Variants in ANO2 observed in about 807,000 individuals in gnomAD.
ANO2 encodes anoctamin-2.
A neutral mutation model predicts 124.2 loss-of-function variants in ANO2; 101 were observed. The observed-to-expected ratio is 0.81, with a 90% confidence interval of 0.69 to 0.96. The LOEUF (loss-of-function observed/expected upper bound fraction) is 0.96. ANO2 is among the 40% of genes least tolerant of loss of function. ANO2 has a pLI of 0.00. For synonymous variants in ANO2, 486 were observed against 482.5 expected (o/e 1.01, Z -0.09); for missense variants, 1,293 against 1,274.5 (o/e 1.01, Z -0.22).
In ANO2 at chr12:5,581,912, A is replaced by G. The variant is rs1232108587; in HGVS notation, c.2234-3394T>C. 2.6e-5 allele frequency among the ~76,000 whole-genome samples: 4 copies of G among 152,214 alleles called. No homozygotes were observed. In the South Asian group the frequency reaches 8.3e-4, roughly 32 times the overall value. ...CTGAGCATTGCCAGGATTCAACCCA[A>G]AGAGGCAGAAACAAATAGGAAGTTT... is the stretch of plus-strand genomic sequence containing the variant. On this transcript the variant is annotated intron_variant, in intron 20 of 24. Coordinates refer to ENST00000682330, the MANE Select transcript of ANO2 (RefSeq NM_001364791.2).
chr12:5,714,826 G>A (rs770539618), intron 14 of ANO2, among the ~76,000 whole-genome samples: 3 of 152,156 alleles, frequency 2.0e-5, no homozygotes, highest in Non-Finnish European at 4.4e-5. Flanking sequence ...ATATACAACC[G>A]GGAAAGCAGG....
At chr12:5,939,132 G>A (rs903438975) in intron 1 of ANO2, among the ~76,000 whole-genome samples, 7 of 136,498 alleles carry the variant, frequency 5.1e-5, no homozygotes, top group African/African-American at 1.7e-4. Context: ...CAGGAGAATC[G>A]TTTGAACCCG....
chr12:5,656,402 C>T (rs1193077513), intron 14 of ANO2, among the ~76,000 whole-genome samples: 1 of 152,186 alleles, frequency 6.6e-6, no homozygotes, highest in Non-Finnish European at 1.5e-5. Flanking sequence ...TGAACCATGA[C>T]CCTTTGAGCG....
intron 20 of ANO2, among the ~76,000 whole-genome samples, chr12:5,584,698 G>A (rs749025392): frequency 3.3e-5 from 5 of 152,192 alleles, no homozygotes; most frequent in African/African-American, 4.8e-5. Context: ...GCTTTGGGCT[G>A]ACAACGTCTG....
intron 14 of ANO2, among the ~76,000 whole-genome samples, chr12:5,689,980 G>A (rs1948862748): frequency 6.6e-6 from 1 of 152,190 alleles, no homozygotes; most frequent in Admixed American, 6.5e-5. Context: ...GGCAGTGTGA[G>A]AGCAGCAGTG....
chr12:5,864,983 T>A (rs1955377701), intron 3 of ANO2, among the ~76,000 whole-genome samples: 1 of 152,148 alleles, frequency 6.6e-6, no homozygotes, highest in Non-Finnish European at 1.5e-5. Context: ...CTCTTCATTA[T>A]CTCTAATGTC....
intron 23 of ANO2, among the ~76,000 whole-genome samples, chr12:5,575,603 G>A (rs1266291556): frequency 6.6e-6 from 1 of 152,154 alleles, no homozygotes; most frequent in Non-Finnish European, 1.5e-5. Flanking sequence ...ACTGAATACT[G>A]TAGGCAGTAA....
chr12:5,699,866 G>C (rs1260014744), intron 14 of ANO2, among the ~76,000 whole-genome samples: 2 of 152,128 alleles, frequency 1.3e-5, no homozygotes, highest in Non-Finnish European at 2.9e-5. Flanking sequence ...ATGGTAAAGG[G>C]ATCAATTCAA....
In ANO2 at chr12:5,612,956, A is replaced by G. The variant is rs1309825330; in HGVS notation, c.1931T>C (p.Phe644Ser). Reference sequence around the variant, plus strand: ...GACGTAGCTTCCAGGCCTGCCCACAAACCTGAAATCAAACAGTGTGGGAAG... The same window carrying G: ...GACGTAGCTTCCAGGCCTGCCCACAGACCTGAAATCAAACAGTGTGGGAAG... ...IFYVAFFKGRFVGRPGSYVYV... is the reference protein window; with the variant it reads ...IFYVAFFKGRSVGRPGSYVYV... Residue 644 changes from phenylalanine to serine, a missense_variant and splice_region_variant, in exon 18 of 25, where the codon TTT (phenylalanine) becomes TCT (serine). Physicochemically the swap from Phe to Ser is radical, Grantham distance 155. Coordinates refer to ENST00000682330, the MANE Select transcript of ANO2 (RefSeq NM_001364791.2). The G allele has an allele frequency of 3.7e-6, 6 of 1,613,920 alleles. No individual in the cohort carries two copies. Among genetic ancestry groups the G allele is most frequent in the Non-Finnish European group, 4.2e-6 (5 of 1,179,858 alleles).
At chr12:5,739,493 A>T in intron 12 of ANO2, 94 bp from the exon 13 acceptor site, 1 of 1,048,470 alleles carries the variant, frequency 9.5e-7, no homozygotes. Flanking sequence ...GGGATAAGCT[A>T]TTTTAAATTT....
chr12:5,589,565 T>C (rs1388899399), intron 20 of ANO2, among the ~76,000 whole-genome samples: 1 of 152,166 alleles, frequency 6.6e-6, no homozygotes, highest in Non-Finnish European at 1.5e-5. Context: ...ACCCAATATG[T>C]TTTTAGTGAC....
At chr12:5,824,611 A>AT (rs1235514618) in intron 7 of ANO2, among the ~76,000 whole-genome samples, 1 of 151,992 alleles carries the variant, frequency 6.6e-6, no homozygotes, top group Admixed American at 6.6e-5. Flanking sequence ...ACTTTCCCAC[A>AT]TTTTCCTTCT....
chr12:5,786,370 C>T (rs1952540018), intron 10 of ANO2, among the ~76,000 whole-genome samples: 1 of 152,166 alleles, frequency 6.6e-6, no homozygotes, highest in Non-Finnish European at 1.5e-5. Context: ...CTTCTAACTC[C>T]CGGGTCAGTA....
intron 9 of ANO2, among the ~76,000 whole-genome samples, chr12:5,799,843 C>A (rs1350454344): frequency 2.6e-5 from 4 of 152,176 alleles, no homozygotes; most frequent in African/African-American, 9.7e-5. Context: ...TTGCCTAGTC[C>A]AGCAAAATGA....
At chr12:5,684,057 C>T (rs993156032) in intron 14 of ANO2, among the ~76,000 whole-genome samples, 1 of 152,214 alleles carries the variant, frequency 6.6e-6, no homozygotes, top group Non-Finnish European at 1.5e-5. Context: ...ATCCACTTCC[C>T]TCCCTACCAC....
At chr12:5,744,019 T>G in intron 12 of ANO2, 138 bp downstream of exon 12, 3 of 989,348 alleles carry the variant, frequency 3.0e-6, no homozygotes, top group Non-Finnish European at 4.5e-6. Flanking sequence ...AAGAAAAGTG[T>G]CATCCTTAAA....
At chr12:5,680,935 T>C (rs1361595833) in intron 14 of ANO2, among the ~76,000 whole-genome samples, 1 of 152,176 alleles carries the variant, frequency 6.6e-6, no homozygotes, top group African/African-American at 2.4e-5. Context: ...AGCCTCTGCA[T>C]GACAGACCTG....
At chr12:5,942,948 G>A (rs6489679) in intron 1 of ANO2, among the ~76,000 whole-genome samples, 146,864 of 152,272 alleles carry the variant, frequency 0.96, 71,043 homozygotes, top group Middle Eastern at 1. Context: ...CTATAACTAA[G>A]AAGTCAAAAA....
At chr12:5,734,655 T>C (rs7310966) in intron 13 of ANO2, among the ~76,000 whole-genome samples, 55,610 of 151,302 alleles carry the variant, frequency 0.37, 11,836 homozygotes, top group East Asian at 0.56. Flanking sequence ...TTCTTTCTTT[T>C]TTTTTTTTTT....
Sources: allele counts gnomAD v4.1 joint callset (sites outside exome capture counted in the v4.1 genomes callset), GRCh38; gene constraint gnomAD v4.1.1; transcripts MANE v1.5; gene names NCBI Gene and HGNC (gene_info 2026-07-23, HGNC 2026-07-21).